Variants in PDE1C observed in about 807,000 individuals in gnomAD.
PDE1C encodes phosphodiesterase 1C.
A neutral mutation model predicts 93.1 loss-of-function variants in PDE1C; 62 were observed. That is an observed-to-expected ratio of 0.67 (90% CI 0.54 to 0.82). The LOEUF (loss-of-function observed/expected upper bound fraction) is 0.82, where lower values mean the gene tolerates loss of function less well. PDE1C is among the 40% of genes least tolerant of loss of function. The probability of loss-of-function intolerance (pLI) is 0.00; values close to 1 mark genes in which losing one functional copy is unlikely to be tolerated. For missense variants in PDE1C, 742 were observed against 884.6 expected (o/e 0.84, Z 2.04); for synonymous variants, 325 against 310.1 (o/e 1.05, Z -0.50).
intron 1 of PDE1C, among the ~76,000 whole-genome samples, chr7:32,212,025 C>CAAAAAAAAAAAAAA (rs35827566): frequency 4.9e-5 from 4 of 81,268 alleles, no homozygotes; most frequent in East Asian, 3.2e-4. Flanking sequence ...GAACCTATCT[C>CAAAAAAAAAAAAAA]AAAAAAAAAA....
At chr7:31,706,985 C>T in the PDE1C span, among the ~76,000 whole-genome samples, 2 of 152,126 alleles carry the variant, frequency 1.3e-5, no homozygotes, top group Non-Finnish European at 2.9e-5. Context: ...CCAGGTGGTG[C>T]ATCCCTTTGT....
intron 3 of PDE1C, among the ~76,000 whole-genome samples, chr7:32,162,839 GCCCTCC>G (rs1802002434): frequency 6.6e-6 from 1 of 152,050 alleles, no homozygotes; most frequent in Non-Finnish European, 1.5e-5. Flanking sequence ...ACAGAGATAA[GCCCTCC>G]CTTCCCAAAC....
chr7:32,414,522 T>C (rs1785233973), intron 1 of PDE1C, among the ~76,000 whole-genome samples: 1 of 152,214 alleles, frequency 6.6e-6, no homozygotes, highest in South Asian at 2.1e-4. Context: ...TCCACATTAT[T>C]TGACATTTTT....
upstream of PDE1C, among the ~76,000 whole-genome samples, chr7:32,302,895 C>T (rs890309952): frequency 2.0e-5 from 3 of 152,114 alleles, no homozygotes; most frequent in African/African-American, 7.2e-5. Flanking sequence ...CCAAGTTGCC[C>T]CAATAAGAGC....
intron 3 of PDE1C, among the ~76,000 whole-genome samples, chr7:32,120,090 C>G (rs1157308253): frequency 6.6e-6 from 1 of 152,184 alleles, no homozygotes. Context: ...CCTAGAGGTG[C>G]CCCCCACAGC....
the PDE1C span, among the ~76,000 whole-genome samples, chr7:31,671,441 T>C: frequency 2.0e-5 from 3 of 152,090 alleles, no homozygotes; most frequent in Non-Finnish European, 4.4e-5. Flanking sequence ...GTCAGGGAGA[T>C]TTCCTGCTTC....
the PDE1C span, among the ~76,000 whole-genome samples, chr7:31,667,877 G>A: frequency 1.3e-5 from 2 of 151,914 alleles, no homozygotes; most frequent in Non-Finnish European, 2.9e-5. Context: ...TGTGACCAGT[G>A]CTTTTTCCAA....
At chr7:31,823,272 A>G (rs1426148818) in intron 13 of PDE1C, 24 bp from the exon 14 acceptor site, 3 of 1,595,182 alleles carry the variant, frequency 1.9e-6, no homozygotes, top group Admixed American at 1.7e-5. Flanking sequence ...AAATCATACC[A>G]AAGAAGAGAG....
intron 3 of PDE1C, among the ~76,000 whole-genome samples, chr7:32,094,943 G>A (rs1179566979): frequency 6.6e-6 from 1 of 152,122 alleles, no homozygotes; most frequent in Non-Finnish European, 1.5e-5. Flanking sequence ...CTGGCCTCTA[G>A]CTATACCTTC....
chr7:32,181,075 A>C (rs917319462), intron 2 of PDE1C, among the ~76,000 whole-genome samples: 4 of 152,346 alleles, frequency 2.6e-5, no homozygotes, highest in African/African-American at 9.6e-5. Flanking sequence ...TTAAAGGGAA[A>C]GTCTACATGA....
chr7:32,198,614 T>C (rs1411354215), intron 2 of PDE1C, among the ~76,000 whole-genome samples: 1 of 152,158 alleles, frequency 6.6e-6, no homozygotes, highest in Non-Finnish European at 1.5e-5. Flanking sequence ...ATTACATTTG[T>C]GTCCTAGGCA....
rs145632129 is a variant in PDE1C at position 31,772,768 on chromosome 7, T to C, written c.1960+2896A>G. The stretch of plus-strand genomic sequence containing the variant: ...AATCATGTAGGTGGTGTTGAAGAAA[T>C]ATAAAACCCTAAAATTCCAATTAAA... On this transcript the variant is annotated intron_variant, in intron 17 of 17. Coordinates refer to ENST00000396191, the MANE Select transcript of PDE1C (RefSeq NM_001191057.4). Among the ~76,000 whole-genome samples, 44 of 152,330 alleles carry C rather than the reference T, an allele frequency of 2.9e-4. 1 individual carries two copies. Among genetic ancestry groups the C allele is most frequent in the African/African-American group, 9.9e-4 (41 of 41,580 alleles).
At chr7:31,916,898 G>T (rs1801993854) in intron 2 of PDE1C, among the ~76,000 whole-genome samples, 1 of 152,146 alleles carries the variant, frequency 6.6e-6, no homozygotes, top group Non-Finnish European at 1.5e-5. Context: ...CCACCACTTG[G>T]TCAATGAAGT....
At chr7:31,890,478 C>A (rs1798482980) in intron 2 of PDE1C, among the ~76,000 whole-genome samples, 1 of 152,178 alleles carries the variant, frequency 6.6e-6, no homozygotes, top group Non-Finnish European at 1.5e-5. Context: ...CAAGACACAT[C>A]TTTCCATGTC....
chr7:31,784,647 A>T (rs535868557), intron 16 of PDE1C: 78 of 152,324 alleles, frequency 5.1e-4, no homozygotes, highest in African/African-American at 1.8e-3. Flanking sequence ...GGAGAGTTTG[A>T]AAAAGGGAAG....
chr7:32,366,738 T>C (rs1038618603), intron 1 of PDE1C, among the ~76,000 whole-genome samples: 6 of 152,094 alleles, frequency 3.9e-5, no homozygotes, highest in Admixed American at 2.6e-4. Context: ...AGAAGCCTTA[T>C]AGGCCAGGAG....
At chr7:32,421,086 AACACAC>A (rs3079693) in intron 1 of PDE1C, among the ~76,000 whole-genome samples, 10 of 150,622 alleles carry the variant, frequency 6.6e-5, no homozygotes, top group Admixed American at 1.3e-4. Flanking sequence ...GATTAAAACT[AACACAC>A]ACACACACAC....
At chr7:32,306,670 C>T (rs930413647) in intron 1 of PDE1C, among the ~76,000 whole-genome samples, 7 of 152,160 alleles carry the variant, frequency 4.6e-5, no homozygotes, top group East Asian at 1.9e-4. Flanking sequence ...GACTCCCTGT[C>T]GCTGTAGAAA....
chr7:31,786,539 A>T (rs1034856218), intron 16 of PDE1C: 2 of 152,160 alleles, frequency 1.3e-5, no homozygotes, highest in African/African-American at 4.8e-5. Flanking sequence ...TCACAAGTGG[A>T]TAGTGGAATT....
Sources: allele counts gnomAD v4.1 joint callset (sites outside exome capture counted in the v4.1 genomes callset), GRCh38; gene constraint gnomAD v4.1.1; transcripts MANE v1.5; gene names NCBI Gene and HGNC (gene_info 2026-07-23, HGNC 2026-07-21).